The following IL1RL2 variants were observed in gnomAD, a reference collection of about 807,000 sequenced individuals.
The protein encoded by IL1RL2 is interleukin-1 receptor-like 2.
Under a neutral mutation model 66.8 loss-of-function variants are expected in IL1RL2, and 68 were observed. The observed-to-expected ratio is 1.02, with a 90% CI of 0.84 to 1.25. IL1RL2 has a LOEUF of 1.25. IL1RL2 is among the 50% of genes most tolerant of loss of function. The probability of loss-of-function intolerance (pLI) is 0.00; values close to 1 mark genes in which losing one functional copy is unlikely to be tolerated. For missense variants in IL1RL2, 729 were observed against 709.3 expected (o/e 1.03, Z -0.32); for synonymous variants, 305 against 264.6 (o/e 1.15, Z -1.48).
intron 9 of IL1RL2, among the ~76,000 whole-genome samples, chr2:102,229,857 T>C (rs1399641884): frequency 6.6e-6 from 1 of 152,232 alleles, no homozygotes; most frequent in African/African-American, 2.4e-5. Flanking sequence ...GATCCTGAAG[T>C]TGGAGAGCAA....
intron 5 of IL1RL2, among the ~76,000 whole-genome samples, chr2:102,202,820 T>G (rs1205614592): frequency 6.6e-6 from 1 of 152,246 alleles, no homozygotes; most frequent in Non-Finnish European, 1.5e-5. Flanking sequence ...TCATATCATT[T>G]GCCAACAATG....
Position 102,201,633 on chromosome 2 carries a change from C to T in IL1RL2, c.567C>T (p.Asp189=), listed in dbSNP as rs767946557. 5 of 1,614,030 alleles carry T rather than the reference C, an allele frequency of 3.1e-6. No individual in the cohort carries two copies. In the South Asian group the frequency reaches 4.4e-5, roughly 14 times the overall value. Reference sequence around the variant, plus strand: ...TGGTGAGCAATGTCTCGGCAGAGGACAGAGGGAACTACGCGTGTCAAGCCA... The same window carrying T: ...TGGTGAGCAATGTCTCGGCAGAGGATAGAGGGAACTACGCGTGTCAAGCCA... ...RLLVSNVSAE[D]RGNYACQAIL... The change falls in exon 5 of 12, where the codon GAC becomes GAT. Residue 189 remains aspartate, a synonymous_variant. Transcript: ENST00000264257.
chr2:102,200,900 C>T (rs545252660), intron 4 of IL1RL2, among the ~76,000 whole-genome samples: 5 of 152,084 alleles, frequency 3.3e-5, no homozygotes, highest in Non-Finnish European at 5.9e-5. Context: ...TGACATCTGC[C>T]CACCATAAAC....
At chr2:102,243,054 A>T (rs750573074), downstream of IL1RL2, among the ~76,000 whole-genome samples, 1 of 152,254 alleles carries the variant, frequency 6.6e-6, no homozygotes, top group Non-Finnish European at 1.5e-5. Context: ...TCCCAGGCTC[A>T]AGCCTGAGTT....
chr2:102,217,560 C>A (rs1312995157), intron 6 of IL1RL2, among the ~76,000 whole-genome samples: 1 of 152,060 alleles, frequency 6.6e-6, no homozygotes, highest in Non-Finnish European at 1.5e-5. Context: ...ATCAAAACAG[C>A]ATGATGTTAG....
chr2:102,229,067 T>G (rs1442035649), intron 9 of IL1RL2, among the ~76,000 whole-genome samples: 1 of 152,246 alleles, frequency 6.6e-6, no homozygotes, highest in Non-Finnish European at 1.5e-5. Flanking sequence ...GGAGGCCAGA[T>G]TGAATCTGAA....
intron 5 of IL1RL2, among the ~76,000 whole-genome samples, chr2:102,209,991 A>G (rs941616788): frequency 1.3e-4 from 20 of 152,312 alleles, no homozygotes; most frequent in African/African-American, 3.6e-4. Context: ...AGGAAGGCAG[A>G]GAATAATCAG....
chr2:102,195,713 C>CT (rs375355881), intron 4 of IL1RL2, among the ~76,000 whole-genome samples: 28,010 of 99,978 alleles, frequency 0.28, 6,030 homozygotes, highest in East Asian at 0.37. Context: ...TTCTTTCTTT[C>CT]TTTTTTTTTT....
At chr2:102,195,790 T>G (rs755798163) in intron 4 of IL1RL2, among the ~76,000 whole-genome samples, 1 of 151,198 alleles carries the variant, frequency 6.6e-6, no homozygotes, top group Non-Finnish European at 1.5e-5. Context: ...CTTGACTCAT[T>G]GCAACCTCTG....
intron 7 of IL1RL2, among the ~76,000 whole-genome samples, chr2:102,219,408 G>T (rs1245666915): frequency 1.3e-5 from 2 of 152,200 alleles, no homozygotes; most frequent in Non-Finnish European, 2.9e-5. Flanking sequence ...AACAGTAGAA[G>T]AAAGAAATAG....
In IL1RL2 at chr2:102,189,289, G is replaced by A; in HGVS notation, c.272G>A (p.Gly91Glu). The A allele has an allele frequency of 1.2e-6, 2 of 1,610,062 alleles. No individual in the cohort carries two copies. The highest frequency in any genetic ancestry group is 1.7e-6 in the Non-Finnish European group (2 of 1,177,022). The change falls in exon 3 of 12, where the codon GGA becomes GAA. Residue 91 changes from glycine to glutamate, a missense_variant. Physicochemically the swap from Gly to Glu is moderately conservative, Grantham distance 98. Coordinates refer to ENST00000264257, the MANE Select transcript of IL1RL2 (RefSeq NM_003854.4). ...LFLPMEWGDS[G>E]VYQCVIKGRD... ...CTCCCCATGGAATGGGGGGACTCAGGAGTCTACCAATGTGTTATAAAGTAA... is the reference window on the plus strand; with the variant it reads ...CTCCCCATGGAATGGGGGGACTCAGAAGTCTACCAATGTGTTATAAAGTAA...
intron 11 of IL1RL2, chr2:102,235,767 G>A: frequency 2.0e-6 from 2 of 985,352 alleles, no homozygotes; most frequent in Non-Finnish European, 1.2e-6. Flanking sequence ...CATGCTCAGG[G>A]GTCATTTGCT....
At chr2:102,207,087 C>T (rs1313491505) in intron 5 of IL1RL2, among the ~76,000 whole-genome samples, 1 of 152,138 alleles carries the variant, frequency 6.6e-6, no homozygotes, top group Non-Finnish European at 1.5e-5. Context: ...GGTCCAAGAG[C>T]TCTTAAGTCA....
At chr2:102,190,823 C>A (rs1288024659) in intron 3 of IL1RL2, among the ~76,000 whole-genome samples, 2 of 152,146 alleles carry the variant, frequency 1.3e-5, no homozygotes, top group Admixed American at 6.5e-5. Context: ...CTATTTAAAT[C>A]TGGGAGCTGT....
intron 11 of IL1RL2, among the ~76,000 whole-genome samples, chr2:102,238,314 GCCCTGGGAAAGA>G (rs944778004): frequency 6.6e-6 from 1 of 152,156 alleles, no homozygotes; most frequent in African/African-American, 2.4e-5. Flanking sequence ...CATGAGAGAG[GCCCTGGGAAAGA>G]CCCAGTCACA....
chr2:102,187,127 TG>T (rs1686746726), intron 1 of IL1RL2, 41 bp downstream of exon 1: 2 of 1,286,468 alleles, frequency 1.6e-6, no homozygotes. Context: ...CAGGCATGGG[TG>T]GGGCCCTGAC....
chr2:102,203,168 A>G (rs1310320570), intron 5 of IL1RL2, among the ~76,000 whole-genome samples: 2 of 152,142 alleles, frequency 1.3e-5, no homozygotes, highest in South Asian at 2.1e-4. Context: ...TGTTGATATG[A>G]TGTATTACAT....
chr2:102,208,079 C>T (rs1688850310), intron 5 of IL1RL2, among the ~76,000 whole-genome samples: 1 of 152,250 alleles, frequency 6.6e-6, no homozygotes, highest in South Asian at 2.1e-4. Flanking sequence ...ACCAGAGACA[C>T]TCTCAGTACC....
intron 5 of IL1RL2, among the ~76,000 whole-genome samples, chr2:102,204,675 C>T (rs1481676160): frequency 1.4e-5 from 2 of 144,962 alleles, no homozygotes; most frequent in African/African-American, 4.9e-5. Flanking sequence ...CTAAGCATAG[C>T]TACTCCTGCT....
Sources: allele counts gnomAD v4.1 joint callset (sites outside exome capture counted in the v4.1 genomes callset), GRCh38; gene constraint gnomAD v4.1.1; transcripts MANE v1.5; gene names NCBI Gene and HGNC (gene_info 2026-07-23, HGNC 2026-07-21).